LRP1B: variants seen among roughly 807,000 people sequenced by gnomAD.
LRP1B encodes the protein LDL receptor related protein 1B.
Under a neutral mutation model 556.6 loss-of-function variants are expected in LRP1B, and 217 were observed. The observed-to-expected ratio is 0.39, with a 90% CI of 0.35 to 0.44. The LOEUF is 0.44. Among genes scored for constraint, LRP1B ranks in the 20% least tolerant of loss-of-function variants. The pLI is 1.00. For missense variants in LRP1B, 5,053 were observed against 5,620.8 expected, an observed-to-expected ratio of 0.90 and a Z score of 3.23; for synonymous variants, 2,047 against 1,865.8, an observed-to-expected ratio of 1.10 and a Z score of -2.50.
At chr2:140,359,090 G>C in intron 72 of LRP1B, 144 bp from the exon 73 acceptor site, 1 of 673,470 alleles carries the variant, frequency 1.5e-6, no homozygotes, top group Non-Finnish European at 2.3e-6. Context: ...GCCTACTAGT[G>C]GCTACCAGAA....
intron 79 of LRP1B, among the ~76,000 whole-genome samples, chr2:140,331,275 C>T (rs759816123): frequency 4.6e-5 from 7 of 152,164 alleles, no homozygotes; most frequent in East Asian, 1.9e-4. Flanking sequence ...TTTGCAGGGA[C>T]GTGGATGCAG....
intron 2 of LRP1B, among the ~76,000 whole-genome samples, chr2:141,633,017 C>T (rs1688970993): frequency 6.6e-6 from 1 of 152,076 alleles, no homozygotes; most frequent in African/African-American, 2.4e-5. Flanking sequence ...ATGATTTTGA[C>T]ATTTTCCCCA....
At chr2:140,688,417 T>C (rs2105393064) in intron 41 of LRP1B, among the ~76,000 whole-genome samples, 1 of 152,246 alleles carries the variant, frequency 6.6e-6, no homozygotes, top group South Asian at 2.1e-4. Context: ...AAACCACATG[T>C]GATTATCATA....
chr2:140,751,062 G>A (rs747690064), intron 35 of LRP1B, among the ~76,000 whole-genome samples: 5 of 146,802 alleles, frequency 3.4e-5, no homozygotes, highest in Middle Eastern at 3.6e-3. Flanking sequence ...GCGTGATCTC[G>A]GCTCACTGCA....
In LRP1B at chr2:141,353,750, T is replaced by G. The variant is rs755417253; in HGVS notation, c.344-99109A>C. 2.6e-5 allele frequency among the ~76,000 whole-genome samples: 4 copies of G among 152,084 alleles called. No homozygotes were observed. The East Asian group carries it at 7.7e-4, about 29-fold the overall frequency. Reference sequence around the variant, plus strand: ...GACTTTTGGTGTATCTTTCTTATACTTACTCTTCAAGGGCTCAATAAATGC... The same window carrying G: ...GACTTTTGGTGTATCTTTCTTATACGTACTCTTCAAGGGCTCAATAAATGC... On this transcript the variant is annotated intron_variant, in intron 3 of 90. Transcript: ENST00000389484.
At chr2:141,659,405 T>C (rs987933701) in intron 2 of LRP1B, among the ~76,000 whole-genome samples, 1 of 152,062 alleles carries the variant, frequency 6.6e-6, no homozygotes, top group Non-Finnish European at 1.5e-5. Context: ...AAAACAGTCA[T>C]GGGGTTGTGT....
chr2:140,820,845 G>A (rs1835164), intron 31 of LRP1B, among the ~76,000 whole-genome samples: 111,309 of 150,450 alleles, frequency 0.74, 43,801 homozygotes, highest in Non-Finnish European at 0.88. Flanking sequence ...CCTCTTTTAT[G>A]CCTTTTATGC....
intron 41 of LRP1B, among the ~76,000 whole-genome samples, chr2:140,684,064 A>G (rs997852057): frequency 6.6e-6 from 1 of 152,180 alleles, no homozygotes; most frequent in African/African-American, 2.4e-5. Context: ...CTGAATATAT[A>G]TTTTAATAAT....
intron 1 of LRP1B, among the ~76,000 whole-genome samples, chr2:142,006,242 T>G (rs573130675): frequency 3.5e-4 from 53 of 152,296 alleles, no homozygotes; most frequent in African/African-American, 1.2e-3. Flanking sequence ...TGTAACCCAA[T>G]AAAGTTTTCC....
intron 43 of LRP1B, among the ~76,000 whole-genome samples, chr2:140,564,569 T>C (rs1192670763): frequency 6.6e-6 from 1 of 152,098 alleles, no homozygotes; most frequent in African/African-American, 2.4e-5. Flanking sequence ...AGGAGATAAA[T>C]GTCATTGAAA....
At chr2:140,644,034 A>G (rs1161332812) in intron 41 of LRP1B, among the ~76,000 whole-genome samples, 8 of 152,078 alleles carry the variant, frequency 5.3e-5, no homozygotes, top group African/African-American at 1.9e-4. Flanking sequence ...TTTTCTCGTT[A>G]CTCTAGTAAC....
At chr2:142,127,824 C>T (rs1444249531) in intron 1 of LRP1B, among the ~76,000 whole-genome samples, 3 of 152,022 alleles carry the variant, frequency 2.0e-5, no homozygotes, top group African/African-American at 7.2e-5. Context: ...GAATTTAACA[C>T]AGACTAGCAT....
At chr2:141,087,696 C>T (rs892616318) in intron 7 of LRP1B, among the ~76,000 whole-genome samples, 1 of 152,106 alleles carries the variant, frequency 6.6e-6, no homozygotes, top group Non-Finnish European at 1.5e-5. Flanking sequence ...TAGAGGAAAT[C>T]AAGGAAAACT....
At chr2:141,730,669 A>G (rs1306340871) in intron 2 of LRP1B, among the ~76,000 whole-genome samples, 1 of 152,160 alleles carries the variant, frequency 6.6e-6, no homozygotes, top group Non-Finnish European at 1.5e-5. Flanking sequence ...TTTATGAGTC[A>G]GAGGAAACGT....
intron 7 of LRP1B, among the ~76,000 whole-genome samples, chr2:141,155,916 A>T (rs1010262588): frequency 6.6e-6 from 1 of 152,138 alleles, no homozygotes; most frequent in Admixed American, 6.6e-5. Context: ...TTAAAAGTTG[A>T]TGTCAAACCT....
chr2:141,947,550 C>A (rs988612486), intron 1 of LRP1B, among the ~76,000 whole-genome samples: 29 of 152,124 alleles, frequency 1.9e-4, no homozygotes, highest in African/African-American at 6.5e-4. Flanking sequence ...GAGATAATGG[C>A]TTATTGAAGA....
chr2:141,657,800 T>C (rs538756736), intron 2 of LRP1B, among the ~76,000 whole-genome samples: 135 of 152,326 alleles, frequency 8.9e-4, no homozygotes, highest in African/African-American at 3.0e-3. Flanking sequence ...GTACTGTAAC[T>C]TTCTATGTAT....
At chr2:142,104,940 C>A (rs78849732) in intron 1 of LRP1B, among the ~76,000 whole-genome samples, 1 of 152,132 alleles carries the variant, frequency 6.6e-6, no homozygotes, top group African/African-American at 2.4e-5. Context: ...AATGTCCTAA[C>A]ATGTTCCAGA....
chr2:141,457,536 C>A (rs1681679756), intron 3 of LRP1B, among the ~76,000 whole-genome samples: 1 of 152,058 alleles, frequency 6.6e-6, no homozygotes, highest in Non-Finnish European at 1.5e-5. Context: ...ATCATCATGG[C>A]ACATGTTTAC....
Sources: gnomAD v4.1 joint callset for allele counts (sites outside exome capture counted in the v4.1 genomes callset) on GRCh38, gnomAD v4.1.1 for gene constraint, MANE v1.5 for transcripts, NCBI Gene and HGNC (gene_info 2026-07-23, HGNC 2026-07-21) for gene names.